The following ZFYVE9 variants were observed in gnomAD, a reference collection of about 807,000 sequenced individuals.
ZFYVE9 encodes the protein zinc finger FYVE-type containing 9.
ZFYVE9 carries 43 observed loss-of-function variants against 126.7 expected under a neutral mutation model. That is an observed-to-expected ratio of 0.34 (90% CI 0.27 to 0.44). The LOEUF (loss-of-function observed/expected upper bound fraction) is 0.44, where lower values mean the gene tolerates loss of function less well. Ranked by LOEUF, ZFYVE9 falls within the 20% of genes least tolerant of loss-of-function variation. ZFYVE9 has a pLI of 1.00. For missense variants in ZFYVE9, 1,476 were observed against 1,697.0 expected (o/e 0.87, Z 2.29); for synonymous variants, 521 against 597.4 (o/e 0.87, Z 1.87).
chr1:52,198,748 G>A (rs2124565142), intron 1 of ZFYVE9, among the ~76,000 whole-genome samples: 1 of 152,104 alleles, frequency 6.6e-6, no homozygotes, highest in East Asian at 1.9e-4. Flanking sequence ...GTTTTTTAGA[G>A]CAACTTCAAG....
chr1:52,219,804 G>GTGTGTGTGTGTGT (rs1553126056), intron 2 of ZFYVE9, among the ~76,000 whole-genome samples: 3 of 88,086 alleles, frequency 3.4e-5, no homozygotes, highest in African/African-American at 1.4e-4. Context: ...TGTGTGTGTG[G>GTGTGTGTGTGTGT]CAGAGTCTTA....
chr1:52,219,749 T>TGTGTGTGTGTGTGTG (rs1431955734), intron 2 of ZFYVE9, among the ~76,000 whole-genome samples: 10 of 113,344 alleles, frequency 8.8e-5, no homozygotes, highest in African/African-American at 3.4e-4. Context: ...CCAAGATCTT[T>TGTGTGTGTGTGTGTG]TGTGTGTGTG....
chr1:52,319,528 G>T (rs1440353534), intron 13 of ZFYVE9, among the ~76,000 whole-genome samples: 1 of 151,830 alleles, frequency 6.6e-6, no homozygotes, highest in African/African-American at 2.4e-5. Context: ...GGAGGTTGAG[G>T]CAGGAGAATC....
chr1:52,179,360 C>A (rs1015524328), intron 1 of ZFYVE9, among the ~76,000 whole-genome samples: 1 of 152,120 alleles, frequency 6.6e-6, no homozygotes, highest in African/African-American at 2.4e-5. Flanking sequence ...TAAGGCCGGG[C>A]GTGGTGGCTC....
At chr1:52,166,605 A>G (rs1239297157) in intron 1 of ZFYVE9, among the ~76,000 whole-genome samples, 1 of 151,712 alleles carries the variant, frequency 6.6e-6, no homozygotes, top group Non-Finnish European at 1.5e-5. Context: ...TACTAATTCT[A>G]CCCTGATGAT....
intron 1 of ZFYVE9, among the ~76,000 whole-genome samples, chr1:52,161,438 C>A (rs971564502): frequency 6.6e-6 from 1 of 152,096 alleles, no homozygotes; most frequent in African/African-American, 2.4e-5. Context: ...AGCAAGCACG[C>A]ACTACCACGC....
At chr1:52,284,383 G>A (rs1645833767) in intron 10 of ZFYVE9, among the ~76,000 whole-genome samples, 1 of 151,982 alleles carries the variant, frequency 6.6e-6, no homozygotes, top group African/African-American at 2.4e-5. Flanking sequence ...AGGAGAGGAT[G>A]TGAATTATTG....
At chr1:52,223,422 A>G (rs2124607305) in intron 2 of ZFYVE9, among the ~76,000 whole-genome samples, 1 of 152,206 alleles carries the variant, frequency 6.6e-6, no homozygotes, top group East Asian at 1.9e-4. Context: ...GACAGGCATA[A>G]TCTTTGCCTT....
At chr1:52,251,475 T>C (rs574083075) in intron 4 of ZFYVE9, among the ~76,000 whole-genome samples, 22 of 152,314 alleles carry the variant, frequency 1.4e-4, no homozygotes, top group Non-Finnish European at 2.6e-4. Context: ...GTTTTTTGTT[T>C]CATTTTGTTC....
chr1:52,157,856 T>G lies in ZFYVE9; in HGVS notation c.-143+15453T>G, dbSNP rs1337980832. Among the ~76,000 whole-genome samples, 11 of 152,158 alleles carry G rather than the reference T, an allele frequency of 7.2e-5. No individual in the cohort carries two copies. In the South Asian group the frequency reaches 2.3e-3, roughly 31 times the overall value. On this transcript the variant is annotated intron_variant, in intron 1 of 18. Transcript: ENST00000287727. Reference sequence around the variant, plus strand: ...CCTATTGCTATCAATGAGCCTTTCCTTTAGAGGAGCGCCACCACTGAACTT... The same window carrying G: ...CCTATTGCTATCAATGAGCCTTTCCGTTAGAGGAGCGCCACCACTGAACTT...
chr1:52,309,869 G>T (rs1471885331), intron 13 of ZFYVE9, among the ~76,000 whole-genome samples: 1 of 152,128 alleles, frequency 6.6e-6, no homozygotes, highest in Non-Finnish European at 1.5e-5. Flanking sequence ...TACTTCTGAC[G>T]GCATGGAAAT....
At chr1:52,269,042 C>T (rs1645661405) in intron 7 of ZFYVE9, among the ~76,000 whole-genome samples, 1 of 152,208 alleles carries the variant, frequency 6.6e-6, no homozygotes, top group Non-Finnish European at 1.5e-5. Context: ...TTATCAACAT[C>T]CCCTACCAGA....
intron 7 of ZFYVE9, among the ~76,000 whole-genome samples, chr1:52,270,691 G>T (rs1372383686): frequency 6.6e-6 from 1 of 151,712 alleles, no homozygotes; most frequent in Non-Finnish European, 1.5e-5. Flanking sequence ...TCTTTGGTTT[G>T]CTTTAATCTT....
Position 52,285,514 on chromosome 1 carries a change from T to C in ZFYVE9, c.3025+3698T>C, listed in dbSNP as rs553964664. On this transcript the variant is annotated intron_variant, in intron 10 of 18. Coordinates refer to ENST00000287727, the MANE Select transcript of ZFYVE9 (RefSeq NM_004799.4). ...TCTCAGATCAGCAGCGGTATTAGATTCTCATAGAAGTGCGAACCCTGTTGT... is the reference window on the plus strand; with the variant it reads ...TCTCAGATCAGCAGCGGTATTAGATCCTCATAGAAGTGCGAACCCTGTTGT... Among the ~76,000 whole-genome samples, 8 of 152,206 alleles carry C rather than the reference T, an allele frequency of 5.3e-5. No homozygotes were observed. In the South Asian group the frequency reaches 8.3e-4, roughly 16 times the overall value.
intron 3 of ZFYVE9, among the ~76,000 whole-genome samples, chr1:52,235,029 A>G (rs772767682): frequency 6.6e-6 from 1 of 152,162 alleles, no homozygotes; most frequent in Non-Finnish European, 1.5e-5. Flanking sequence ...TGCTTTGTGT[A>G]TAGTTGTTTT....
intron 17 of ZFYVE9, among the ~76,000 whole-genome samples, chr1:52,343,775 AAAGT>A (rs1338029304): frequency 6.6e-6 from 1 of 150,686 alleles, no homozygotes; most frequent in Non-Finnish European, 1.5e-5. Context: ...AAAAAAAAAT[AAAGT>A]AAGTCCTTTG....
At chr1:52,299,760 A>G (rs1355475097) in intron 12 of ZFYVE9, among the ~76,000 whole-genome samples, 2 of 152,142 alleles carry the variant, frequency 1.3e-5, no homozygotes, top group Admixed American at 6.5e-5. Context: ...CTGACAGTGG[A>G]GCTTCAGAGA....
intron 4 of ZFYVE9, among the ~76,000 whole-genome samples, chr1:52,262,111 G>A (rs1292815414): frequency 6.6e-6 from 1 of 152,184 alleles, no homozygotes. Flanking sequence ...GTAAGTCCAA[G>A]ATCAAGGCAA....
chr1:52,181,494 C>T (rs1252600152), intron 1 of ZFYVE9, among the ~76,000 whole-genome samples: 3 of 152,248 alleles, frequency 2.0e-5, no homozygotes. Context: ...CAGCCTCTGC[C>T]CGGCCGCCAC....
Sources: allele counts gnomAD v4.1 joint callset (sites outside exome capture counted in the v4.1 genomes callset), GRCh38; gene constraint gnomAD v4.1.1; transcripts MANE v1.5; gene names NCBI Gene and HGNC (gene_info 2026-07-23, HGNC 2026-07-21).